VAV2: variants seen among roughly 807,000 people sequenced by gnomAD.
VAV2 encodes the protein guanine nucleotide exchange factor VAV2.
Under a neutral mutation model 132.5 loss-of-function variants are expected in VAV2, and 67 were observed. The ratio of observed to expected loss-of-function variants is 0.51; its 90% CI spans 0.42 to 0.62. The LOEUF (loss-of-function observed/expected upper bound fraction) is 0.62, where lower values mean the gene tolerates loss of function less well. VAV2 is among the 20% of genes least tolerant of loss of function. The pLI is 0.00. For synonymous variants in VAV2, 492 were observed against 443.5 expected (o/e 1.11, Z -1.37); for missense variants, 938 against 1,153.6 (o/e 0.81, Z 2.71).
rs1004142223 is a variant in VAV2 at position 133,928,224 on chromosome 9, T to C, written c.321+10879A>G. 1.4e-4 allele frequency among the ~76,000 whole-genome samples: 22 copies of C among 152,098 alleles called. No homozygotes were observed. The highest frequency in any genetic ancestry group is 5.1e-4 in the African/African-American group (21 of 41,414). On this transcript the variant is annotated intron_variant, in intron 2 of 29. Transcript: ENST00000371850. This position sits in a 1 kb window ranked among gnomAD's most constrained non-coding sequence, Gnocchi z 5.4. ...GTGTATGTCTGTGTGTGTGCGTGCA[T>C]GTGTGTGTCTGTGCCCATGTGCAGC...
At chr9:133,797,944 G>C in intron 9 of VAV2, 135 bp from the exon 10 acceptor site, 1 of 705,566 alleles carries the variant, frequency 1.4e-6, no homozygotes, top group South Asian at 2.0e-5. Context: ...CTCCCTGCAC[G>C]TGGACACATT....
At chr9:133,974,936 T>TG (rs146578450) in intron 1 of VAV2, among the ~76,000 whole-genome samples, 12,265 of 152,200 alleles carry the variant, frequency 0.081, 565 homozygotes, top group Middle Eastern at 0.11. Flanking sequence ...TGTGGTACCG[T>TG]GGGGAGCGGG....
At chr9:133,801,799 G>A (rs1029326263) in intron 9 of VAV2, among the ~76,000 whole-genome samples, 3 of 152,180 alleles carry the variant, frequency 2.0e-5, no homozygotes, top group Non-Finnish European at 4.4e-5. Flanking sequence ...TGGAGATGGG[G>A]ACAGAGAACG....
intron 1 of VAV2, among the ~76,000 whole-genome samples, chr9:133,941,173 C>T (rs558237782): frequency 8.1e-4 from 123 of 152,176 alleles, no homozygotes; most frequent in African/African-American, 2.7e-3. Context: ...TTTAGGAGGC[C>T]GAGGCGGGTA....
chr9:133,809,958 G>C (rs1835297513), intron 6 of VAV2, among the ~76,000 whole-genome samples: 1 of 152,152 alleles, frequency 6.6e-6, no homozygotes, highest in Non-Finnish European at 1.5e-5. Flanking sequence ...AATCCCCAAG[G>C]GTCCGCTTGG....
intron 10 of VAV2, among the ~76,000 whole-genome samples, chr9:133,797,193 G>T (rs1834753453): frequency 6.6e-6 from 1 of 152,220 alleles, no homozygotes; most frequent in South Asian, 2.1e-4. Flanking sequence ...TGTTGACAGA[G>T]ACTTGCCCTG....
intron 1 of VAV2, among the ~76,000 whole-genome samples, chr9:133,943,721 C>T (rs1212136124): frequency 1.3e-5 from 2 of 152,228 alleles, no homozygotes; most frequent in Non-Finnish European, 2.9e-5. Context: ...TCCCCACAGC[C>T]CCAGACTGCA....
At chr9:133,931,057 G>A (rs1048284765) in intron 2 of VAV2, among the ~76,000 whole-genome samples, 3 of 152,250 alleles carry the variant, frequency 2.0e-5, no homozygotes, top group Non-Finnish European at 4.4e-5. Context: ...GAGTGAGGCT[G>A]GAGTGAAGTG....
chr9:133,840,428 G>A lies in VAV2; in HGVS notation c.381-6088C>T, dbSNP rs1836675051. On this transcript the variant is annotated intron_variant, in intron 3 of 29. Transcript: ENST00000371850. This position sits in a 1 kb window ranked among gnomAD's most constrained non-coding sequence, Gnocchi z 4.5. ...TCCTCAGCACCCACTCCCCACTCCT[G>A]CCCCTGAGCCACTGCTTGCTCAAGG... Among the ~76,000 whole-genome samples the A allele has an allele frequency of 6.6e-6, 1 of 152,004 alleles. No individual in the cohort carries two copies. The highest frequency in any genetic ancestry group is 2.1e-4 in the South Asian group (1 of 4,810).
At chr9:133,777,292 CT>C in intron 23 of VAV2, 96 bp downstream of exon 23, 1 of 1,336,074 alleles carries the variant, frequency 7.5e-7, no homozygotes, top group Non-Finnish European at 1.1e-6. Flanking sequence ...CAAGGATGTC[CT>C]GAACAAGCCA....
Position 133,992,000 on chromosome 9 carries a change from C to T in VAV2, c.204+75G>A. 1.6e-6 allele frequency: 2 copies of T among 1,238,326 alleles called. No individual in the cohort carries two copies. Among genetic ancestry groups the T allele is most frequent in the Non-Finnish European group, 2.1e-6 (2 of 975,118 alleles). The allele number at this position is 1,238,326 out of a possible 1,614,324, so 76.7% of individuals were successfully genotyped here. On this transcript the variant is annotated intron_variant, in intron 1 of 29. Coordinates refer to ENST00000371850, the MANE Select transcript of VAV2 (RefSeq NM_001134398.2). The surrounding 1 kb of genome is among the most constrained non-coding windows in gnomAD (Gnocchi z 4.8). Reference sequence around the variant, plus strand: ...GGCGCCTGGGCCGCCGCCGCTGCGACCTCCGCGTTCAGTCCGCGCGTCGGG... The same window carrying T: ...GGCGCCTGGGCCGCCGCCGCTGCGATCTCCGCGTTCAGTCCGCGCGTCGGG...
rs1835870093 is a variant in VAV2, at chr9:133,823,466, G to A, written c.449+10806C>T. The stretch of plus-strand genomic sequence containing the variant: ...ACTTCTACAATAAAACCCAGCATGT[G>A]ACGCTTGTTCATTTTAGAGCAATAT... On this transcript the variant is annotated intron_variant, in intron 4 of 29. Transcript: ENST00000371850. This position sits in a 1 kb window ranked among gnomAD's most constrained non-coding sequence, Gnocchi z 5.5. Among the ~76,000 whole-genome samples, 1 of 152,206 alleles carries A rather than the reference G, an allele frequency of 6.6e-6. No individual in the cohort carries two copies. The highest frequency in any genetic ancestry group is 2.1e-4 in the South Asian group (1 of 4,830).
Position 133,769,931 on chromosome 9 carries a change from C to A in VAV2, c.2348-428G>T, listed in dbSNP as rs1833560635. 6.6e-6 allele frequency among the ~76,000 whole-genome samples: 1 copy of A among 152,216 alleles called. No homozygotes were observed. ...GGAAGCCGCATGCTCGGGGCCTGCC[C>A]CTGCCCCTGATTCCGTGTGGCCTTC... On this transcript the variant is annotated intron_variant, in intron 27 of 29. Transcript: ENST00000371850. The surrounding 1 kb of genome is among the most constrained non-coding windows in gnomAD (Gnocchi z 8.1).
intron 3 of VAV2, among the ~76,000 whole-genome samples, chr9:133,836,479 C>A (rs1282734814): frequency 2.0e-5 from 3 of 152,180 alleles, no homozygotes; most frequent in Non-Finnish European, 2.9e-5. Flanking sequence ...AAAATAGAAT[C>A]AAAATTCTCA....
chr9:133,956,248 A>G (rs1163001850), intron 1 of VAV2, among the ~76,000 whole-genome samples: 1 of 152,046 alleles, frequency 6.6e-6, no homozygotes, highest in African/African-American at 2.4e-5. Context: ...CAGGAACTCG[A>G]TGATCTCCAG....
chr9:133,853,002 C>G (rs1038098636), intron 3 of VAV2, among the ~76,000 whole-genome samples: 1 of 152,292 alleles, frequency 6.6e-6, no homozygotes, highest in East Asian at 1.9e-4. Context: ...TTATGAAAAC[C>G]CCACACACAA....
At chr9:133,819,013 G>A (rs75925126) in intron 4 of VAV2, among the ~76,000 whole-genome samples, 2 of 152,092 alleles carry the variant, frequency 1.3e-5, no homozygotes, top group African/African-American at 4.8e-5. Context: ...CCAAAGTGCT[G>A]GGATTACAGG....
chr9:133,986,264 C>T (rs948709796), intron 1 of VAV2, among the ~76,000 whole-genome samples: 3 of 152,176 alleles, frequency 2.0e-5, no homozygotes, highest in Non-Finnish European at 4.4e-5. Flanking sequence ...CGGAGCTAGA[C>T]CCCTACAGTT....
At chr9:133,922,251 A>G (rs1221410377) in intron 2 of VAV2, among the ~76,000 whole-genome samples, 2 of 152,242 alleles carry the variant, frequency 1.3e-5, no homozygotes, top group Non-Finnish European at 2.9e-5. Flanking sequence ...GCTCTGTCAT[A>G]GCCGTGACCC....
Sources: gnomAD v4.1 joint callset for allele counts (sites outside exome capture counted in the v4.1 genomes callset) on GRCh38, gnomAD v4.1.1 for gene constraint, Gnocchi (gnomAD v3.1) non-coding constraint, MANE v1.5 for transcripts, NCBI Gene and HGNC (gene_info 2026-07-23, HGNC 2026-07-21) for gene names.